The following LIMS1 variants were observed in gnomAD, a reference collection of about 807,000 sequenced individuals.
LIMS1 encodes the protein LIM and senescent cell antigen-like-containing domain protein 1.
LIMS1 carries 18 observed loss-of-function variants against 44.1 expected under a neutral mutation model. The observed-to-expected ratio is 0.41, with a 90% CI of 0.28 to 0.61. LIMS1 has a LOEUF of 0.61. Ranked by LOEUF, LIMS1 falls within the 20% of genes least tolerant of loss-of-function variation. The pLI is 0.32. For missense variants in LIMS1, 201 were observed against 422.0 expected, an observed-to-expected ratio of 0.48 and a Z score of 4.59; for synonymous variants, 93 against 149.1, an observed-to-expected ratio of 0.62 and a Z score of 2.74.
At chr2:108,601,941 A>T (rs1687039039) in intron 1 of LIMS1, among the ~76,000 whole-genome samples, 1 of 142,248 alleles carries the variant, frequency 7.0e-6, no homozygotes, top group African/African-American at 2.5e-5. Flanking sequence ...AACCCATGGA[A>T]TGTCTTTCCA....
chr2:108,621,173 A>T, intron 1 of LIMS1: 1 of 1,124,726 alleles, frequency 8.9e-7, no homozygotes, highest in Non-Finnish European at 1.2e-6. Context: ...TGCCTTGCTG[A>T]GGAGGGTGTG....
At chr2:108,556,681 C>A (rs1684934527) in intron 1 of LIMS1, among the ~76,000 whole-genome samples, 1 of 152,162 alleles carries the variant, frequency 6.6e-6, no homozygotes, top group Admixed American at 6.5e-5. Context: ...ACTCAGTATA[C>A]CACTGGAGGC....
At chr2:108,566,075 T>C (rs1033571695) in intron 1 of LIMS1, among the ~76,000 whole-genome samples, 9 of 152,220 alleles carry the variant, frequency 5.9e-5, no homozygotes, top group Non-Finnish European at 1.3e-4. Context: ...TTTTCTGTGT[T>C]GCTAGCTCTG....
intron 1 of LIMS1, chr2:108,607,195 GGAGA>G: frequency 6.4e-7 from 1 of 1,550,696 alleles, no homozygotes; most frequent in Non-Finnish European, 8.7e-7. Flanking sequence ...CTATGAGCAT[GGAGA>G]GCTTAGCTTG....
intron 1 of LIMS1, among the ~76,000 whole-genome samples, chr2:108,657,724 T>G (rs1285299480): frequency 6.6e-6 from 1 of 152,302 alleles, no homozygotes; most frequent in Non-Finnish European, 1.5e-5. Flanking sequence ...CTGCTTCCCT[T>G]TCTCCCTTCC....
At chr2:108,605,084 C>A (rs1484590880) in intron 1 of LIMS1, among the ~76,000 whole-genome samples, 4 of 152,212 alleles carry the variant, frequency 2.6e-5, no homozygotes, top group African/African-American at 9.6e-5. Flanking sequence ...CCATTAGGTA[C>A]ACCTGTATTG....
intron 1 of LIMS1, among the ~76,000 whole-genome samples, chr2:108,644,199 A>T (rs904636553): frequency 6.6e-6 from 1 of 152,098 alleles, no homozygotes; most frequent in South Asian, 2.1e-4. Context: ...CCTGACCCCC[A>T]TGTATCCTAA....
chr2:108,671,806 G>A (rs1692178981), intron 3 of LIMS1, among the ~76,000 whole-genome samples: 1 of 152,188 alleles, frequency 6.6e-6, no homozygotes, highest in Non-Finnish European at 1.5e-5. Flanking sequence ...GCCCAAAAAT[G>A]TGGCTGTTGA....
chr2:108,582,359 C>T (rs1014585183), intron 1 of LIMS1, among the ~76,000 whole-genome samples: 1 of 152,230 alleles, frequency 6.6e-6, no homozygotes, highest in Non-Finnish European at 1.5e-5. Context: ...AGTATGCATC[C>T]ACAGGACTTT....
intron 2 of LIMS1, among the ~76,000 whole-genome samples, chr2:108,667,263 A>G (rs918095226): frequency 2.0e-5 from 3 of 152,140 alleles, no homozygotes; most frequent in Non-Finnish European, 4.4e-5. Context: ...AGGAAGACCA[A>G]ATATGTATTT....
chr2:108,638,197 G>GA (rs993073621), intron 1 of LIMS1, among the ~76,000 whole-genome samples: 13 of 151,482 alleles, frequency 8.6e-5, no homozygotes, highest in East Asian at 7.7e-4. Flanking sequence ...GACCATGGGA[G>GA]AAAAAAAAAT....
chr2:108,554,127 C>A (rs1020668156), intron 1 of LIMS1, among the ~76,000 whole-genome samples: 1 of 152,110 alleles, frequency 6.6e-6, no homozygotes, highest in Admixed American at 6.6e-5. Flanking sequence ...GAAATCCATT[C>A]AATGTTGGGG....
At chr2:108,610,805 G>A (rs1687557318) in intron 1 of LIMS1, among the ~76,000 whole-genome samples, 1 of 152,172 alleles carries the variant, frequency 6.6e-6, no homozygotes, top group African/African-American at 2.4e-5. Flanking sequence ...CATTGACAGA[G>A]ATACCAGCTC....
intron 1 of LIMS1, among the ~76,000 whole-genome samples, chr2:108,585,241 G>A (rs777847360): frequency 6.6e-6 from 1 of 151,648 alleles, no homozygotes; most frequent in Non-Finnish European, 1.5e-5. Flanking sequence ...GTGCAGTAGA[G>A]AATTTAAGCA....
chr2:108,619,347 G>T (rs1258191733), intron 1 of LIMS1, among the ~76,000 whole-genome samples: 1 of 151,292 alleles, frequency 6.6e-6, no homozygotes, highest in Non-Finnish European at 1.5e-5. Flanking sequence ...GAAGATTAGT[G>T]GTTGTTTCTG....
chr2:108,549,837 ATT>A (rs1161072332), intron 1 of LIMS1, among the ~76,000 whole-genome samples: 1 of 152,224 alleles, frequency 6.6e-6, no homozygotes, highest in East Asian at 1.9e-4. Context: ...TAGTAAAATA[ATT>A]TGTCAGTATG....
At chr2:108,581,359 G>T (rs1410832048) in intron 1 of LIMS1, among the ~76,000 whole-genome samples, 1 of 152,168 alleles carries the variant, frequency 6.6e-6, no homozygotes, top group South Asian at 2.1e-4. Flanking sequence ...AGGCAATTCT[G>T]TAATTTCAAA....
chr2:108,676,471 G>A (rs1692573136), intron 6 of LIMS1, 135 bp from the exon 7 acceptor site: 1 of 1,051,854 alleles, frequency 9.5e-7, no homozygotes, highest in South Asian at 1.7e-5. Context: ...TATATTATGG[G>A]GCCACCTATG....
intron 1 of LIMS1, among the ~76,000 whole-genome samples, chr2:108,607,764 A>T (rs186243776): frequency 3.3e-5 from 5 of 152,246 alleles, no homozygotes; most frequent in Admixed American, 2.6e-4. Context: ...ATTAAGCATT[A>T]TTTGGAAATG....
Sources: allele counts gnomAD v4.1 joint callset (sites outside exome capture counted in the v4.1 genomes callset), GRCh38; gene constraint gnomAD v4.1.1; transcripts MANE v1.5; gene names NCBI Gene and HGNC (gene_info 2026-07-23, HGNC 2026-07-21).